Variants in TRPC6 observed in about 807,000 individuals in gnomAD.
The protein encoded by TRPC6 is short transient receptor potential channel 6.
In TRPC6, 55 loss-of-function variants were observed where a neutral mutation model predicts 90.7. The ratio of observed to expected loss-of-function variants is 0.61; its 90% CI spans 0.49 to 0.76. TRPC6 has a LOEUF of 0.76. Ranked by LOEUF, TRPC6 falls within the 30% of genes least tolerant of loss-of-function variation. The pLI is 0.00. For synonymous variants in TRPC6, 393 were observed against 393.0 expected (o/e 1.00, Z 0.00); for missense variants, 989 against 1,122.7 (o/e 0.88, Z 1.70).
At chr11:101,492,055 G>T (rs550012430) in intron 2 of TRPC6, among the ~76,000 whole-genome samples, 15 of 151,814 alleles carry the variant, frequency 9.9e-5, no homozygotes, top group African/African-American at 3.4e-4. Flanking sequence ...TAGCCAGGAT[G>T]GTTTCGATCT....
chr11:101,453,213 T>A, intron 12 of TRPC6, 107 bp from the exon 13 acceptor site: 1 of 1,111,444 alleles, frequency 9.0e-7, no homozygotes, highest in Middle Eastern at 2.0e-4. Context: ...ACAATTTTAT[T>A]TTGAATCCTT....
chr11:101,529,596 G>C (rs888475920), intron 1 of TRPC6, among the ~76,000 whole-genome samples: 1 of 152,170 alleles, frequency 6.6e-6, no homozygotes, highest in Non-Finnish European at 1.5e-5. Flanking sequence ...TTGGAATTAG[G>C]GGGGACCTTA....
intron 1 of TRPC6, among the ~76,000 whole-genome samples, chr11:101,509,082 T>C (rs930150524): frequency 6.9e-5 from 8 of 115,806 alleles, no homozygotes; most frequent in Admixed American, 4.0e-4. Context: ...AGAAGACCCA[T>C]GAAAAAAAGG....
chr11:101,525,022 A>T (rs1860745973), intron 1 of TRPC6, among the ~76,000 whole-genome samples: 1 of 151,690 alleles, frequency 6.6e-6, no homozygotes, highest in Admixed American at 6.6e-5. Context: ...GTTAAGTAGA[A>T]ATCTTAAAGG....
chr11:101,533,881 G>A (rs1470534007), intron 1 of TRPC6, among the ~76,000 whole-genome samples: 1 of 152,116 alleles, frequency 6.6e-6, no homozygotes, highest in Non-Finnish European at 1.5e-5. Context: ...GCCCCACTCA[G>A]GCAACTGAGG....
At chr11:101,516,673 T>C (rs1860530383) in intron 1 of TRPC6, among the ~76,000 whole-genome samples, 1 of 152,200 alleles carries the variant, frequency 6.6e-6, no homozygotes, top group African/African-American at 2.4e-5. Context: ...GCAGAACCTG[T>C]GGTTCATTAT....
At chr11:101,470,596 T>A (rs1243499727) in intron 9 of TRPC6, among the ~76,000 whole-genome samples, 1 of 152,196 alleles carries the variant, frequency 6.6e-6, no homozygotes, top group Non-Finnish European at 1.5e-5. Flanking sequence ...GAACATGCTG[T>A]GATCGCCCTA....
intron 1 of TRPC6, among the ~76,000 whole-genome samples, chr11:101,507,851 C>T (rs988968169): frequency 3.3e-5 from 5 of 151,834 alleles, no homozygotes; most frequent in African/African-American, 7.3e-5. Flanking sequence ...ATAGTCTTGC[C>T]CTATTTATCT....
At chr11:101,506,364 T>C (rs1012603654) in intron 1 of TRPC6, among the ~76,000 whole-genome samples, 1 of 152,172 alleles carries the variant, frequency 6.6e-6, no homozygotes, top group African/African-American at 2.4e-5. Flanking sequence ...TCTTAGTTGC[T>C]TTCCCTACTG....
Position 101,583,556 on chromosome 11 carries a change from A to C in TRPC6, c.-53T>G. The C allele has an allele frequency of 7.1e-7, 1 of 1,407,020 alleles. No individual in the cohort carries two copies. Among genetic ancestry groups the C allele is most frequent in the South Asian group, 1.6e-5 (1 of 63,800 alleles). 87.2% of individuals were successfully genotyped at this position (1,407,020 alleles called of 1,614,324 possible). A position where few individuals can be genotyped will look rare whatever the true frequency, so the allele number is the denominator to read the frequency against. On this transcript the variant is annotated 5_prime_UTR_variant, in exon 1 of 13. Transcript: ENST00000344327. The stretch of plus-strand genomic sequence containing the variant: ...CCGCTCCCGGGGGAGCCGAGTGGGC[A>C]GTTCCAGCGGGGACCCGGTGCGGAG...
chr11:101,537,861 A>G (rs1352727656), intron 1 of TRPC6, among the ~76,000 whole-genome samples: 1 of 152,178 alleles, frequency 6.6e-6, no homozygotes, highest in East Asian at 1.9e-4. Flanking sequence ...AAAATGAGTA[A>G]TTTTACTAGA....
chr11:101,497,332 T>G (rs924654138), intron 2 of TRPC6, among the ~76,000 whole-genome samples: 1 of 152,242 alleles, frequency 6.6e-6, no homozygotes, highest in Non-Finnish European at 1.5e-5. Context: ...CAGACTATTT[T>G]GCTTGTGACA....
chr11:101,567,637 T>C (rs1327770036), intron 1 of TRPC6, among the ~76,000 whole-genome samples: 2 of 152,094 alleles, frequency 1.3e-5, no homozygotes, highest in African/African-American at 4.8e-5. Flanking sequence ...ATCTGGTGGG[T>C]GCCCCTCTGG....
At position 101,452,812 on chromosome 11, in the gene TRPC6, G is replaced by T; in HGVS notation, c.*143C>A. 1.1e-6 allele frequency: 1 copy of T among 903,266 alleles called. No homozygotes were observed. The highest frequency in any genetic ancestry group is 1.7e-6 in the Non-Finnish European group (1 of 584,264). The allele number at this position is 903,266 out of a possible 1,614,324, so 56.0% of individuals were successfully genotyped here. A position where few individuals can be genotyped will look rare whatever the true frequency, so the allele number is the denominator to read the frequency against. On this transcript the variant is annotated 3_prime_UTR_variant, in exon 13 of 13. Coordinates refer to ENST00000344327, the MANE Select transcript of TRPC6 (RefSeq NM_004621.6). ...TAATCACCAAAAAAATTAGATACTA[G>T]GGCTCCAGATGATAGGATGGCCCAA...
chr11:101,497,056 G>T (rs111282311), intron 2 of TRPC6, among the ~76,000 whole-genome samples: 1 of 152,182 alleles, frequency 6.6e-6, no homozygotes, highest in Non-Finnish European at 1.5e-5. Flanking sequence ...TTTGCTAACC[G>T]ATGTAAAGAA....
In TRPC6 at chr11:101,583,322, G is replaced by T. The variant is rs542462495; in HGVS notation, c.170+12C>A. ...GCCCGCGCCCGATCCGCCCCGCGTC[G>T]CCGGCACTCACAAGCAGGGGTAGTA... is the stretch of plus-strand genomic sequence containing the variant. On this transcript the variant is annotated intron_variant, in intron 1 of 12. Transcript: ENST00000344327. 1.3e-6 allele frequency: 2 copies of T among 1,573,330 alleles called. No homozygotes were observed. Among genetic ancestry groups the T allele is most frequent in the South Asian group, 1.2e-5 (1 of 86,614 alleles).
At chr11:101,497,220 T>C (rs951088531) in intron 2 of TRPC6, among the ~76,000 whole-genome samples, 2 of 152,212 alleles carry the variant, frequency 1.3e-5, no homozygotes, top group Admixed American at 6.5e-5. Context: ...GCATAGACTG[T>C]AAATAACAGA....
intron 1 of TRPC6, among the ~76,000 whole-genome samples, chr11:101,538,257 T>A (rs954856335): frequency 2.0e-5 from 3 of 152,242 alleles, no homozygotes; most frequent in Admixed American, 6.5e-5. Context: ...CATCTTTTTT[T>A]AAGTATTTTA....
intron 1 of TRPC6, among the ~76,000 whole-genome samples, chr11:101,569,515 G>C (rs1449368559): frequency 6.6e-6 from 1 of 152,132 alleles, no homozygotes; most frequent in African/African-American, 2.4e-5. Flanking sequence ...GGACCAATCA[G>C]ACCTAATAGA....
Sources: allele counts gnomAD v4.1 joint callset (sites outside exome capture counted in the v4.1 genomes callset), GRCh38; gene constraint gnomAD v4.1.1; transcripts MANE v1.5; gene names NCBI Gene and HGNC (gene_info 2026-07-23, HGNC 2026-07-21).